GRAMD1A: variants seen among roughly 807,000 people sequenced by gnomAD.
The protein encoded by GRAMD1A is protein Aster-A.
In GRAMD1A, 50 loss-of-function variants were observed where a neutral mutation model predicts 92.0. The ratio of observed to expected loss-of-function variants is 0.54; its 90% CI spans 0.43 to 0.69. The LOEUF is 0.69. Among genes scored for constraint, GRAMD1A ranks in the 30% least tolerant of loss-of-function variants. The probability of loss-of-function intolerance (pLI) is 0.00; values close to 1 mark genes in which losing one functional copy is unlikely to be tolerated. For synonymous variants in GRAMD1A, 405 were observed against 403.6 expected, an observed-to-expected ratio of 1.00 and a Z score of -0.04; for missense variants, 819 against 978.9, an observed-to-expected ratio of 0.84 and a Z score of 2.18.
In GRAMD1A at chr19:35,021,812, G is replaced by T. The variant is rs768671862; in HGVS notation, c.1701G>T (p.Gly567=). Residue 567 remains glycine, a synonymous_variant, in exon 15 of 20, where the codon GGG becomes GGT. Transcript: ENST00000317991. This position sits in a 1 kb window ranked among gnomAD's most constrained non-coding sequence, Gnocchi z 5.3. ...RPLSWRAHGD[G]PQHPDPDPCA... is the part of the protein sequence containing the mutation. ...TGAGCTGGCGGGCTCACGGGGACGG[G>T]CCCCAGCACCCAGATCCTGACCCCT... The T allele has an allele frequency of 2.6e-5, 42 of 1,608,636 alleles. No individual in the cohort carries two copies. Among genetic ancestry groups the T allele is most frequent in the East Asian group, 6.7e-5 (3 of 44,820 alleles).
At position 35,021,994 on chromosome 19, in the gene GRAMD1A, C is replaced by T. The variant is rs372673758; in HGVS notation, c.1797C>T (p.Gly599=). 141 of 1,613,940 alleles carry T rather than the reference C, an allele frequency of 8.7e-5. No homozygotes were observed. The highest frequency in any genetic ancestry group is 1.1e-4 in the Non-Finnish European group (131 of 1,179,950). Residue 599 remains glycine, a synonymous_variant, in exon 16 of 20, where the codon GGC becomes GGT. Coordinates refer to ENST00000317991, the MANE Select transcript of GRAMD1A (RefSeq NM_020895.5). The surrounding 1 kb of genome is among the most constrained non-coding windows in gnomAD (Gnocchi z 5.3). ...SRFSEPSVDQ[G]PGAGIPSALV... is the part of the protein sequence containing the mutation. Reference sequence around the variant, plus strand: ...TCTCCGAACCATCTGTGGACCAGGGCCCCGGGGCAGGCATCCCCAGTGCCC... The same window carrying T: ...TCTCCGAACCATCTGTGGACCAGGGTCCCGGGGCAGGCATCCCCAGTGCCC...
intron 7 of GRAMD1A, 133 bp downstream of exon 7, chr19:35,011,687 C>G: frequency 1.5e-6 from 1 of 658,752 alleles, no homozygotes; most frequent in Non-Finnish European, 2.7e-6. Context: ...GCCCCTGCAG[C>G]TCCTCCCTGG....
rs951435856 is a variant in GRAMD1A, at chr19:35,009,767, T to C, written c.241-121T>C. The C allele has an allele frequency of 9.6e-6, 7 of 732,684 alleles. No homozygotes were observed. The Admixed American group carries it at 1.3e-4, about 14-fold the overall frequency. 45.4% of individuals were successfully genotyped at this position (732,684 alleles called of 1,614,324 possible). A position where few individuals can be genotyped will look rare whatever the true frequency, so the allele number is the denominator to read the frequency against. On this transcript the variant is annotated intron_variant, in intron 3 of 19. Transcript: ENST00000317991. ...TGGCAGCTGTCATTGTGGCTACTGGTGTGTTGTGTGCGTTGGAATCTGTCA... is the reference window on the plus strand; with the variant it reads ...TGGCAGCTGTCATTGTGGCTACTGGCGTGTTGTGTGCGTTGGAATCTGTCA...
chr19:35,006,319 C>T (rs2151705975), intron 1 of GRAMD1A, among the ~76,000 whole-genome samples: 1 of 152,190 alleles, frequency 6.6e-6, no homozygotes, highest in South Asian at 2.1e-4. Flanking sequence ...GACTCTTTGT[C>T]TCCAAAAAAT....
At position 35,011,519 on chromosome 19, in the gene GRAMD1A, A is replaced by G; in HGVS notation, c.571A>G (p.Ile191Val). ...FGARDRCFLL[I>V]FRLWQNALLE... ...GGCCCGTGACCGCTGCTTCCTCCTC[A>G]TCTTCCGCCTCTGGCAGAATGCACT... is the stretch of plus-strand genomic sequence containing the variant. Residue 191 changes from isoleucine to valine, a missense_variant, in exon 7 of 20, where the codon ATC becomes GTC. By Grantham distance (29) the Ile-to-Val change is conservative (BLOSUM62 3). Transcript: ENST00000317991. The G allele has an allele frequency of 6.2e-7, 1 of 1,611,134 alleles. No homozygotes were observed. The highest frequency in any genetic ancestry group is 8.5e-7 in the Non-Finnish European group (1 of 1,179,508).
chr19:35,005,179 G>A (rs996083122), intron 1 of GRAMD1A, among the ~76,000 whole-genome samples: 2 of 151,636 alleles, frequency 1.3e-5, no homozygotes, highest in Non-Finnish European at 2.9e-5. Context: ...TCTAGGTGAT[G>A]GGGACACTCA....
rs1349057771 is a variant in GRAMD1A at position 35,010,382 on chromosome 19, G to A, written c.525+3G>A. On this transcript the variant is annotated splice_donor_region_variant and intron_variant, in intron 6 of 19. Transcript: ENST00000317991. The stretch of plus-strand genomic sequence containing the variant: ...AGATCTGCACGGAGAGCGAGAAGGT[G>A]ACGGAGGACCCGGTGACGGGACCAC... 4 of 1,605,914 alleles carry A rather than the reference G, an allele frequency of 2.5e-6. No homozygotes were observed. The highest frequency in any genetic ancestry group is 1.7e-5 in the Admixed American group (1 of 60,028).
chr19:34,995,571 G>GTTTT (rs59556577), upstream of GRAMD1A, among the ~76,000 whole-genome samples: 6 of 93,652 alleles, frequency 6.4e-5, 1 homozygote, highest in Admixed American at 1.3e-4. Context: ...CAGATCACGG[G>GTTTT]TTTTTTTTTT....
intron 19 of GRAMD1A, 195 bp downstream of exon 19, chr19:35,023,742 T>G: frequency 1.8e-6 from 1 of 553,602 alleles, no homozygotes; most frequent in African/African-American, 1.9e-5. Context: ...ACAGAACTGA[T>G]TGGCTCACGT....
intron 1 of GRAMD1A, among the ~76,000 whole-genome samples, chr19:35,003,639 G>C (rs2014584131): frequency 6.6e-6 from 1 of 152,220 alleles, no homozygotes; most frequent in African/African-American, 2.4e-5. Context: ...TCAGGCTAGA[G>C]GGCTGAGAAA....
chr19:34,995,578 T>G (rs973460386), upstream of GRAMD1A, among the ~76,000 whole-genome samples: 249 of 131,712 alleles, frequency 1.9e-3, 5 homozygotes, highest in African/African-American at 8.4e-3. Context: ...CGGGTTTTTT[T>G]TTTTTTTTTT....
chr19:35,014,762 AC>A, intron 10 of GRAMD1A: 1 of 254,314 alleles, frequency 3.9e-6, no homozygotes, highest in East Asian at 9.2e-5. Context: ...GTGATGGCTC[AC>A]ACCTGTAATC....
rs780344909 is a variant in GRAMD1A at position 35,009,880 on chromosome 19, T to G, written c.241-8T>G. Reference sequence around the variant, plus strand: ...CCATCCAGGTTCTCACCTCTCAAACTTCCTCAGATGCTGAGCCCCACTTAT... The same window carrying G: ...CCATCCAGGTTCTCACCTCTCAAACGTCCTCAGATGCTGAGCCCCACTTAT... On this transcript the variant is annotated splice_region_variant and splice_polypyrimidine_tract_variant and intron_variant, in intron 3 of 19. Transcript: ENST00000317991. 1.3e-6 allele frequency: 2 copies of G among 1,585,506 alleles called. No homozygotes were observed. Among genetic ancestry groups the G allele is most frequent in the Admixed American group, 1.7e-5 (1 of 59,982 alleles).
At chr19:35,024,551 T>C (rs948671961) in intron 19 of GRAMD1A, among the ~76,000 whole-genome samples, 1 of 152,162 alleles carries the variant, frequency 6.6e-6, no homozygotes, top group Non-Finnish European at 1.5e-5. Flanking sequence ...AAACAGAGTC[T>C]GGCATTGCCT....
chr19:35,014,428 C>G (rs775500741), intron 10 of GRAMD1A, 41 bp downstream of exon 10: 7 of 1,551,100 alleles, frequency 4.5e-6, no homozygotes, highest in Non-Finnish European at 6.2e-6. Context: ...CCGGTACTTG[C>G]AAGCCTCGCT....
At chr19:35,015,713 G>T in intron 10 of GRAMD1A, 111 bp from the exon 11 acceptor site, 1 of 987,000 alleles carries the variant, frequency 1.0e-6, no homozygotes, top group Non-Finnish European at 1.5e-6. Flanking sequence ...TGTGCTCCAG[G>T]AGGTGGGGTC....
In GRAMD1A at chr19:35,013,070, G is replaced by T. The variant is rs1482314445; in HGVS notation, c.607-186G>T. On this transcript the variant is annotated intron_variant, in intron 7 of 19. Coordinates refer to ENST00000317991, the MANE Select transcript of GRAMD1A (RefSeq NM_020895.5). The surrounding 1 kb of genome is among the most constrained non-coding windows in gnomAD (Gnocchi z 4.9). Reference sequence around the variant, plus strand: ...GAAGCAGGAAGTTTGAGTCCTGGGCGCAGGCCCTGGAGGGGCTGTAGCAGG... The same window carrying T: ...GAAGCAGGAAGTTTGAGTCCTGGGCTCAGGCCCTGGAGGGGCTGTAGCAGG... 5.3e-6 allele frequency: 3 copies of T among 565,832 alleles called. No homozygotes were observed. The highest frequency in any genetic ancestry group is 9.6e-6 in the Non-Finnish European group (3 of 314,110). 35.1% of individuals were successfully genotyped at this position (565,832 alleles called of 1,614,324 possible). A position where few individuals can be genotyped will look rare whatever the true frequency, so the allele number is the denominator to read the frequency against.
Position 35,000,342 on chromosome 19 carries a change from G to C in GRAMD1A, c.-137G>C. On this transcript the variant is annotated 5_prime_UTR_variant, in exon 1 of 20. Coordinates refer to ENST00000317991, the MANE Select transcript of GRAMD1A (RefSeq NM_020895.5). This position sits in a 1 kb window ranked among gnomAD's most constrained non-coding sequence, Gnocchi z 4.9. ...TCCGGCCTTTTGTGCGGGCGGTTGG[G>C]TCGGGTGGGGGCGGCGGCCGCGGAA... The C allele has an allele frequency of 9.3e-7, 1 of 1,076,490 alleles. No individual in the cohort carries two copies. The highest frequency in any genetic ancestry group is 4.4e-5 in the South Asian group (1 of 22,892). The allele number at this position is 1,076,490 out of a possible 1,614,324, so 66.7% of individuals were successfully genotyped here. A position where few individuals can be genotyped will look rare whatever the true frequency, so the allele number is the denominator to read the frequency against.
chr19:35,015,802 C>G, intron 10 of GRAMD1A, 22 bp from the exon 11 acceptor site: 1 of 1,609,456 alleles, frequency 6.2e-7, no homozygotes, highest in Non-Finnish European at 8.5e-7. Context: ...AGTCATCATC[C>G]TCGGCTCTCC....
Sources: gnomAD v4.1 joint callset for allele counts (sites outside exome capture counted in the v4.1 genomes callset) on GRCh38, gnomAD v4.1.1 for gene constraint, Gnocchi (gnomAD v3.1) non-coding constraint, MANE v1.5 for transcripts, NCBI Gene and HGNC (gene_info 2026-07-23, HGNC 2026-07-21) for gene names.